FLT4: variants seen among roughly 807,000 people sequenced by gnomAD.
The protein encoded by FLT4 is fms related receptor tyrosine kinase 4, also known as vascular endothelial growth factor receptor 3.
FLT4 carries 30 observed loss-of-function variants against 163.2 expected under a neutral mutation model. That is an observed-to-expected ratio of 0.18 (90% CI 0.14 to 0.25). The LOEUF is 0.25. Ranked by LOEUF, FLT4 falls within the 10% of genes least tolerant of loss-of-function variation. The probability of loss-of-function intolerance (pLI) is 1.00; values close to 1 mark genes in which losing one functional copy is unlikely to be tolerated. For synonymous variants in FLT4, 884 were observed against 789.5 expected (o/e 1.12, Z -2.01); for missense variants, 1,510 against 1,863.8 (o/e 0.81, Z 3.50).
rs370461015 is a variant in FLT4 at position 180,636,857 on chromosome 5, T to G, written c.59-5079A>C. ...CCCGGTGCTGCCCCGTCCTGGTGCGTGGGGTCCGCAGCCGCCTCTCTGCAT... is the reference window on the plus strand; with the variant it reads ...CCCGGTGCTGCCCCGTCCTGGTGCGGGGGGTCCGCAGCCGCCTCTCTGCAT... On this transcript the variant is annotated intron_variant, in intron 1 of 29. Transcript: ENST00000261937. This position sits in a 1 kb window ranked among gnomAD's most constrained non-coding sequence, Gnocchi z 4.3. Among the ~76,000 whole-genome samples the G allele has an allele frequency of 6.6e-6, 1 of 151,804 alleles. No homozygotes were observed. The highest frequency in any genetic ancestry group is 6.6e-5 in the Admixed American group (1 of 15,250).
chr5:180,627,811 G>C (rs892367707), intron 8 of FLT4, among the ~76,000 whole-genome samples: 1 of 152,208 alleles, frequency 6.6e-6, no homozygotes, highest in Non-Finnish European at 1.5e-5. Flanking sequence ...GTCTCCAGGA[G>C]CTGTACCCGT....
rs759987581 is a variant in FLT4, at chr5:180,619,366, T to G, written c.2648A>C (p.Glu883Ala). ...CDTVAVKMLK[E>A]GATASEHRAL... ...GCGGTGCTCGCTGGCCGTGGCGCCC[T>G]CTGGAGGGGACACGGGCCTCACACC... Residue 883 changes from glutamate (E) to alanine (A), a missense_variant and splice_region_variant, in exon 19 of 30, where the codon GAG becomes GCG. Physicochemically the swap from Glu to Ala is moderately radical, Grantham distance 107 (BLOSUM62 -1). Transcript: ENST00000261937. 2 of 1,606,126 alleles carry G rather than the reference T, an allele frequency of 1.2e-6. No individual in the cohort carries two copies. The highest frequency in any genetic ancestry group is 1.7e-6 in the Non-Finnish European group (2 of 1,177,116).
At chr5:180,622,929 C>CT (rs935119173) in intron 11 of FLT4, 90 bp from the exon 12 acceptor site, 15 of 751,516 alleles carry the variant, frequency 2.0e-5, no homozygotes, top group Non-Finnish European at 3.1e-5. Flanking sequence ...CTGTGCACCA[C>CT]CCCCCCCAAT....
chr5:180,602,654 C>T lies in FLT4; in HGVS notation c.*538G>A, dbSNP rs1360183663. 8 of 411,082 alleles carry T rather than the reference C, an allele frequency of 1.9e-5. No individual in the cohort carries two copies. The highest frequency in any genetic ancestry group is 2.6e-5 in the Non-Finnish European group (6 of 232,846). The allele number at this position is 411,082 out of a possible 1,614,324, so 25.5% of individuals were successfully genotyped here. A position where few individuals can be genotyped will look rare whatever the true frequency, so the allele number is the denominator to read the frequency against. ...GGCCCAGAAGAGGACCCTGCAAATG[C>T]CTTCTTTGAGATGGAAACACAGCCC... On this transcript the variant is annotated 3_prime_UTR_variant, in exon 30 of 30. Transcript: ENST00000261937.
At chr5:180,609,190 A>C in intron 28 of FLT4, 137 bp from the exon 29 acceptor site, 1 of 730,000 alleles carries the variant, frequency 1.4e-6, no homozygotes, top group South Asian at 1.4e-5. Flanking sequence ...CTGAGCCAGA[A>C]ACAAGGCGTC....
chr5:180,631,044 G>A (rs1223211346), intron 2 of FLT4, among the ~76,000 whole-genome samples: 1 of 145,746 alleles, frequency 6.9e-6, no homozygotes, highest in Non-Finnish European at 1.5e-5. Context: ...GGGAAGGTGG[G>A]GAGGTACCCA....
intron 2 of FLT4, among the ~76,000 whole-genome samples, chr5:180,631,240 G>A (rs1303112255): frequency 6.6e-6 from 1 of 152,068 alleles, no homozygotes; most frequent in Admixed American, 6.6e-5. Flanking sequence ...TTGGGAGGCT[G>A]AGGTGGGTGG....
At chr5:180,606,090 A>T (rs1053117815) in intron 29 of FLT4, among the ~76,000 whole-genome samples, 1 of 152,192 alleles carries the variant, frequency 6.6e-6, no homozygotes, top group African/African-American at 2.4e-5. Flanking sequence ...GACCTGTGGC[A>T]CCTTTTCTTG....
rs1470730002 is a variant in FLT4, at chr5:180,620,172, C to T, written c.2542+1G>A. ...GTTGGGCAGGCTGGTGCTGGCCTCA[C>T]CCAGGTGCAGCCGCTCTCGGGGGAA... On this transcript the variant is annotated splice_donor_variant, in intron 17 of 29. Coordinates refer to ENST00000261937, the MANE Select transcript of FLT4 (RefSeq NM_182925.5). LOFTEE classifies it high-confidence loss of function. The surrounding 1 kb of genome is among the most constrained non-coding windows in gnomAD (Gnocchi z 4.4). The T allele has an allele frequency of 6.2e-7, 1 of 1,605,766 alleles. No homozygotes were observed. The highest frequency in any genetic ancestry group is 1.3e-5 in the African/African-American group (1 of 74,864).
chr5:180,621,804 C>T lies in FLT4; in HGVS notation c.1758G>A (p.Glu586=). The T allele has an allele frequency of 1.2e-6, 2 of 1,613,434 alleles. No individual in the cohort carries two copies. The highest frequency in any genetic ancestry group is 1.3e-5 in the African/African-American group (1 of 75,062). Reference sequence around the variant, plus strand: ...GGTTGAGGCGGTACCAGCGCAGATGCTCGTACTTGTAGCTGTCGGCTTGGC... The same window carrying T: ...GGTTGAGGCGGTACCAGCGCAGATGTTCGTACTTGTAGCTGTCGGCTTGGC... ...LSCQADSYKY[E]HLRWYRLNLS... is the part of the protein sequence containing the mutation. The change falls in exon 13 of 30, where the codon GAG becomes GAA. Residue 586 remains glutamate, a synonymous_variant. Transcript: ENST00000261937.
chr5:180,648,977 C>G (rs1003625338), intron 1 of FLT4, among the ~76,000 whole-genome samples: 1 of 152,198 alleles, frequency 6.6e-6, no homozygotes, highest in Non-Finnish European at 1.5e-5. Flanking sequence ...CGTCGCCGGC[C>G]ACGGGGAGGG....
chr5:180,623,578 C>A lies in FLT4; in HGVS notation c.1548+357G>T, dbSNP rs908233180. On this transcript the variant is annotated intron_variant, in intron 11 of 29. Coordinates refer to ENST00000261937, the MANE Select transcript of FLT4 (RefSeq NM_182925.5). This position sits in a 1 kb window ranked among gnomAD's most constrained non-coding sequence, Gnocchi z 5.8. ...CCCCCTTCTCGGCGTTGCCCCCAGG[C>A]TGCGCCAGCGGCTCAGCAGCCCTCT... Among the ~76,000 whole-genome samples, 4 of 152,222 alleles carry A rather than the reference C, an allele frequency of 2.6e-5. No homozygotes were observed. Among genetic ancestry groups the A allele is most frequent in the Non-Finnish European group, 4.4e-5 (3 of 68,028 alleles).
rs1761522195 is a variant in FLT4, at chr5:180,601,694, C to G, written c.*1498G>C. On this transcript the variant is annotated 3_prime_UTR_variant, in exon 30 of 30. Coordinates refer to ENST00000261937, the MANE Select transcript of FLT4 (RefSeq NM_182925.5). ...AGGCTGGTTCTCTGCAGAGAACAAC[C>G]TCCAGATCCTCCCAGGGAAGCCTGA... The G allele has an allele frequency of 4.3e-6, 1 of 233,176 alleles. No homozygotes were observed. The highest frequency in any genetic ancestry group is 8.5e-6 in the Non-Finnish European group (1 of 118,096). The allele number at this position is 233,176 out of a possible 1,614,324, so 14.4% of individuals were successfully genotyped here.
Position 180,630,346 on chromosome 5 carries a change from A to C in FLT4, c.401-9T>G. 6.2e-7 allele frequency: 1 copy of C among 1,606,134 alleles called. No homozygotes were observed. The highest frequency in any genetic ancestry group is 8.5e-7 in the Non-Finnish European group (1 of 1,178,672). ...GAATGGCTGCTCAAAGTCTATGGAGAGGGAGCAAGCTGTTGGGGAAGGGAC... is the reference window on the plus strand; with the variant it reads ...GAATGGCTGCTCAAAGTCTATGGAGCGGGAGCAAGCTGTTGGGGAAGGGAC... On this transcript the variant is annotated splice_polypyrimidine_tract_variant and intron_variant, in intron 3 of 29. Coordinates refer to ENST00000261937, the MANE Select transcript of FLT4 (RefSeq NM_182925.5). The surrounding 1 kb of genome is among the most constrained non-coding windows in gnomAD (Gnocchi z 6.3).
At position 180,622,927 on chromosome 5, in the gene FLT4, C is replaced by CG. The variant is rs1554113587; in HGVS notation, c.1549-89_1549-88insC. ...TTTCTGCAAGGAGGTCGCTGTGCAC[C>CG]ACCCCCCCCAATCATGGGGGAAACT... On this transcript the variant is annotated intron_variant, in intron 11 of 29. Transcript: ENST00000261937. 4.7e-4 allele frequency: 259 copies of CG among 555,986 alleles called. 6 individuals carry two copies. The highest frequency in any genetic ancestry group is 6.2e-4 in the South Asian group (30 of 48,036). 34.4% of individuals were successfully genotyped at this position (555,986 alleles called of 1,614,324 possible).
chr5:180,626,321 A>G (rs1763609948), intron 8 of FLT4, 56 bp from the exon 9 acceptor site: 1 of 1,585,076 alleles, frequency 6.3e-7, no homozygotes. Flanking sequence ...CCCCAACCTC[A>G]TGCTGGCACC....
intron 8 of FLT4, 21 bp from the exon 9 acceptor site, chr5:180,626,286 A>C (rs376608964): frequency 2.0e-4 from 317 of 1,609,882 alleles, no homozygotes; most frequent in Middle Eastern, 9.9e-4. Context: ...AAGGGAGGTC[A>C]GGGCCCATAC....
chr5:180,603,305 G>A lies in FLT4; in HGVS notation c.3979C>T (p.Arg1327Ter), dbSNP rs758489407. 4.3e-6 allele frequency: 7 copies of A among 1,613,908 alleles called. No homozygotes were observed. The highest frequency in any genetic ancestry group is 1.3e-5 in the African/African-American group (1 of 75,074). Residue 1327 changes from arginine to a stop codon, truncating the protein, a stop_gained, in exon 30 of 30, where the codon CGA (arginine) becomes TGA (stop). Coordinates refer to ENST00000261937, the MANE Select transcript of FLT4 (RefSeq NM_182925.5). LOFTEE classifies it low-confidence loss of function (END_TRUNC). The stretch of plus-strand genomic sequence containing the variant: ...CTGTTGTAAAACACCTGGCCTCCTC[G>A]GGCCCCCCGCTCAGGCCGCCGCCGC... ...GRRRRPERGA[R>*]GGQVFYNSEY...
rs1763041661 is a variant in FLT4 at position 180,620,510 on chromosome 5, C to T, written c.2406+99G>A. The T allele has an allele frequency of 8.4e-7, 1 of 1,194,158 alleles. No individual in the cohort carries two copies. Among genetic ancestry groups the T allele is most frequent in the Admixed American group, 1.9e-5 (1 of 53,080 alleles). 74.0% of individuals were successfully genotyped at this position (1,194,158 alleles called of 1,614,324 possible). The stretch of plus-strand genomic sequence containing the variant: ...GAGGCTTCCCAGGAAACAAGGCTGC[C>T]AGGTGAACTAGGGCGGGCACCTTAT... On this transcript the variant is annotated intron_variant, in intron 16 of 29. Coordinates refer to ENST00000261937, the MANE Select transcript of FLT4 (RefSeq NM_182925.5). This position sits in a 1 kb window ranked among gnomAD's most constrained non-coding sequence, Gnocchi z 4.4.
Sources: allele counts gnomAD v4.1 joint callset (sites outside exome capture counted in the v4.1 genomes callset), GRCh38; gene constraint gnomAD v4.1.1; non-coding constraint Gnocchi (gnomAD v3.1); transcripts MANE v1.5; gene names NCBI Gene and HGNC (gene_info 2026-07-23, HGNC 2026-07-21).